The following B3GALT5 variants were observed in gnomAD, a reference collection of about 807,000 sequenced individuals.
The protein encoded by B3GALT5 is UDP-Gal:betaGlcNAc beta 1,3-galactosyltransferase, polypeptide 5.
For synonymous variants in B3GALT5, 156 were observed against 158.6 expected (o/e 0.98, Z 0.12); for missense variants, 328 against 396.6 (o/e 0.83, Z 1.47).
intron 1 of B3GALT5, among the ~76,000 whole-genome samples, chr21:39,634,599 A>G (rs989324957): frequency 1.3e-5 from 2 of 152,002 alleles, no homozygotes; most frequent in African/African-American, 4.8e-5. Context: ...TCGGAGGTTC[A>G]AGTGGAGTCT....
intron 1 of B3GALT5, among the ~76,000 whole-genome samples, chr21:39,613,463 C>T (rs750025103): frequency 4.6e-5 from 7 of 152,170 alleles, no homozygotes; most frequent in Admixed American, 6.5e-5. Context: ...CACCCTGCGG[C>T]AGGCAGCTTC....
At chr21:39,638,544 C>T (rs992550911) in intron 1 of B3GALT5, among the ~76,000 whole-genome samples, 2 of 152,178 alleles carry the variant, frequency 1.3e-5, no homozygotes, top group Non-Finnish European at 2.9e-5. Flanking sequence ...TTCAATAAAA[C>T]CTTGCACTCA....
intron 2 of B3GALT5, among the ~76,000 whole-genome samples, chr21:39,648,162 A>G (rs1168360649): frequency 6.6e-6 from 1 of 152,218 alleles, no homozygotes; most frequent in Non-Finnish European, 1.5e-5. Flanking sequence ...CTGTGGACGA[A>G]ATTGTTCAAA....
At chr21:39,616,543 CTG>C (rs1218977016) in intron 1 of B3GALT5, among the ~76,000 whole-genome samples, 1 of 152,210 alleles carries the variant, frequency 6.6e-6, no homozygotes, top group East Asian at 1.9e-4. Context: ...TCCTTCCTTT[CTG>C]TGGTATTTAT....
chr21:39,629,314 C>T (rs908898043), intron 1 of B3GALT5, among the ~76,000 whole-genome samples: 2 of 152,246 alleles, frequency 1.3e-5, no homozygotes, highest in Non-Finnish European at 2.9e-5. Flanking sequence ...CATGCCGAGC[C>T]TTAACATCTT....
At chr21:39,655,769 T>G (rs1312391204) in intron 2 of B3GALT5, among the ~76,000 whole-genome samples, 2 of 152,200 alleles carry the variant, frequency 1.3e-5, no homozygotes, top group Non-Finnish European at 2.9e-5. Flanking sequence ...CCAGCCAGGC[T>G]GGCGTCAGTC....
chr21:39,656,513 C>A (rs2079446202), intron 2 of B3GALT5, among the ~76,000 whole-genome samples: 1 of 152,194 alleles, frequency 6.6e-6, no homozygotes, highest in African/African-American at 2.4e-5. Flanking sequence ...CCCCTGGAGA[C>A]CCCTTGAGCT....
At chr21:39,637,411 G>T (rs534944099) in intron 1 of B3GALT5, among the ~76,000 whole-genome samples, 11 of 152,378 alleles carry the variant, frequency 7.2e-5, no homozygotes, top group Middle Eastern at 3.4e-3. Flanking sequence ...GTAACACCCA[G>T]TCCAACCCTT....
intron 1 of B3GALT5, among the ~76,000 whole-genome samples, chr21:39,624,754 A>C (rs189311747): frequency 2.6e-5 from 4 of 152,258 alleles, no homozygotes; most frequent in Admixed American, 2.6e-4. Context: ...TTCTTCAAGG[A>C]TAAAAATGTG....
At chr21:39,646,014 G>A (rs771636354) in intron 1 of B3GALT5, among the ~76,000 whole-genome samples, 5 of 150,918 alleles carry the variant, frequency 3.3e-5, no homozygotes, top group Non-Finnish European at 7.4e-5. Flanking sequence ...CCCTTGCACG[G>A]CTGGAGTAAA....
intron 1 of B3GALT5, among the ~76,000 whole-genome samples, chr21:39,632,706 G>A (rs548298202): frequency 6.6e-6 from 1 of 152,316 alleles, no homozygotes; most frequent in South Asian, 2.1e-4. Context: ...TGGAAGCCTG[G>A]ATGTTGGAAT....
intron 1 of B3GALT5, among the ~76,000 whole-genome samples, chr21:39,619,341 A>G (rs2123683473): frequency 6.6e-6 from 1 of 152,274 alleles, no homozygotes; most frequent in East Asian, 1.9e-4. Flanking sequence ...CACCAACCCT[A>G]TTGAATTAGG....
chr21:39,647,754 A>G (rs1424669281), intron 2 of B3GALT5, among the ~76,000 whole-genome samples: 1 of 152,206 alleles, frequency 6.6e-6, no homozygotes, highest in Non-Finnish European at 1.5e-5. Context: ...CAAGCAGCCT[A>G]GAGTCTATGG....
chr21:39,638,676 C>T (rs900709393), intron 1 of B3GALT5, among the ~76,000 whole-genome samples: 3 of 152,174 alleles, frequency 2.0e-5, no homozygotes, highest in South Asian at 2.1e-4. Context: ...AAGCTGCCTA[C>T]GGATGGCTAA....
At chr21:39,614,846 G>A (rs1370902917) in intron 1 of B3GALT5, among the ~76,000 whole-genome samples, 1 of 152,168 alleles carries the variant, frequency 6.6e-6, no homozygotes, top group Non-Finnish European at 1.5e-5. Flanking sequence ...TCAGATTTCT[G>A]CTTGGTTTTC....
At chr21:39,630,452 A>G (rs991888910) in intron 1 of B3GALT5, 31 of 152,158 alleles carry the variant, frequency 2.0e-4, no homozygotes, top group African/African-American at 7.2e-4. Context: ...TGCCCATTAC[A>G]GTGACTCACT....
At position 39,667,935 on chromosome 21, in the gene B3GALT5, T is replaced by C. The variant is rs2079592704; in HGVS notation, c.*6443T>C. On this transcript the variant is annotated 3_prime_UTR_variant, in exon 4 of 4. Coordinates refer to ENST00000684187, the MANE Select transcript of B3GALT5 (RefSeq NM_001356336.2). The stretch of plus-strand genomic sequence containing the variant: ...CTCTGCACCTCAGTCTCTGCATCTC[T>C]ATAAAATGGGATGATAATAGTGTTC... The C allele has an allele frequency of 1.3e-5, 2 of 152,212 alleles. 1 individual carries two copies. The highest frequency in any genetic ancestry group is 4.8e-5 in the African/African-American group (2 of 41,450). The allele number at this position is 152,212 out of a possible 1,614,324, so 9.4% of individuals were successfully genotyped here.
chr21:39,634,906 C>A (rs2079216076), intron 1 of B3GALT5, among the ~76,000 whole-genome samples: 1 of 152,206 alleles, frequency 6.6e-6, no homozygotes, highest in Non-Finnish European at 1.5e-5. Context: ...TAATGGCAGG[C>A]CAGAGGAAGC....
chr21:39,623,131 C>T (rs2079142895), intron 1 of B3GALT5, among the ~76,000 whole-genome samples: 1 of 143,346 alleles, frequency 7.0e-6, no homozygotes, highest in South Asian at 2.4e-4. Flanking sequence ...TCTTTCCTTC[C>T]TTCCTCCCTC....
Sources: allele counts gnomAD v4.1 joint callset (sites outside exome capture counted in the v4.1 genomes callset), GRCh38; gene constraint gnomAD v4.1.1; transcripts MANE v1.5; gene names NCBI Gene and HGNC (gene_info 2026-07-23, HGNC 2026-07-21).